ARFGEF3: variants seen among roughly 807,000 people sequenced by gnomAD.
ARFGEF3 encodes brefeldin A-inhibited guanine nucleotide-exchange protein 3.
Under a neutral mutation model 221.7 loss-of-function variants are expected in ARFGEF3, and 96 were observed. The ratio of observed to expected loss-of-function variants is 0.43; its 90% confidence interval spans 0.37 to 0.51. The LOEUF (loss-of-function observed/expected upper bound fraction) is 0.51. Among genes scored for constraint, ARFGEF3 ranks in the 20% least tolerant of loss-of-function variants. The pLI, the probability that ARFGEF3 is intolerant of heterozygous loss-of-function variation, is 0.00. For synonymous variants in ARFGEF3, 1,145 were observed against 1,126.8 expected (o/e 1.02, Z -0.32); for missense variants, 2,410 against 2,789.9 (o/e 0.86, Z 3.07).
intron 1 of ARFGEF3, among the ~76,000 whole-genome samples, chr6:138,167,894 T>C (rs947067393): frequency 2.6e-4 from 39 of 152,310 alleles, no homozygotes; most frequent in African/African-American, 8.9e-4. Context: ...CAGCCGTACA[T>C]GGCCTGGCTC....
rs772305012 is a variant in ARFGEF3 at position 138,296,884 on chromosome 6, G to A, written c.3577G>A (p.Val1193Met). 1.2e-6 allele frequency: 2 copies of A among 1,613,922 alleles called. No homozygotes were observed. Among genetic ancestry groups the A allele is most frequent in the Non-Finnish European group, 1.7e-6 (2 of 1,179,902 alleles). The change falls in exon 21 of 34, where the codon GTG (valine) becomes ATG (methionine). Residue 1193 changes from valine (V) to methionine (M), a missense_variant. By Grantham distance (21) the Val-to-Met change is conservative (BLOSUM62 1). Coordinates refer to ENST00000251691, the MANE Select transcript of ARFGEF3 (RefSeq NM_020340.5). Reference protein sequence around the residue: ...FRLGNAMLRIVRSKARPLLHV... With the variant: ...FRLGNAMLRIMRSKARPLLHV... The stretch of plus-strand genomic sequence containing the variant: ...CCTGGGGAATGCCATGCTGAGGATT[G>A]TGCGGAGCAAAGCACGGCCCCTGCT...
In ARFGEF3 at chr6:138,253,934, C is replaced by T; in HGVS notation, c.720C>T (p.Ser240=). 1 of 1,597,864 alleles carries T rather than the reference C, an allele frequency of 6.3e-7. No homozygotes were observed. Residue 240 remains serine, a synonymous_variant, in exon 9 of 34, where the codon AGC becomes AGT. Coordinates refer to ENST00000251691, the MANE Select transcript of ARFGEF3 (RefSeq NM_020340.5). ...LYLECILSVL[S]SSSSSMHLHR... The stretch of plus-strand genomic sequence containing the variant: ...TGGAGTGCATCCTGTCTGTGCTCAG[C>T]AGCTCCTCCTCCTCCATGCACCTGC...
chr6:138,196,005 A>G lies in ARFGEF3; in HGVS notation c.138-11037A>G, dbSNP rs535894394. 2.8e-3 allele frequency among the ~76,000 whole-genome samples: 416 copies of G among 148,934 alleles called. 3 individuals are homozygous for G. Among genetic ancestry groups the G allele is most frequent in the Non-Finnish European group, 4.3e-3 (293 of 67,458 alleles). On this transcript the variant is annotated intron_variant, in intron 2 of 33. Coordinates refer to ENST00000251691, the MANE Select transcript of ARFGEF3 (RefSeq NM_020340.5). ...AAGGAGTGTCTTGGTAAAAAAAAAAAAAAAGAAAAGAAAAAAAAAGATCTT... is the reference window on the plus strand; with the variant it reads ...AAGGAGTGTCTTGGTAAAAAAAAAAGAAAAGAAAAGAAAAAAAAAGATCTT...
intron 2 of ARFGEF3, among the ~76,000 whole-genome samples, chr6:138,201,469 C>T (rs1777534774): frequency 6.6e-6 from 1 of 152,094 alleles, no homozygotes; most frequent in South Asian, 2.1e-4. Flanking sequence ...TATATACATA[C>T]AATGGAATAC....
chr6:138,170,489 T>C (rs927948251), intron 1 of ARFGEF3, among the ~76,000 whole-genome samples, 173 bp from the exon 2 acceptor site: 2 of 152,158 alleles, frequency 1.3e-5, no homozygotes, highest in Non-Finnish European at 2.9e-5. Flanking sequence ...TCTCTGGGGC[T>C]CTCAAGGGAA....
intron 33 of ARFGEF3, 56 bp downstream of exon 33, chr6:138,335,244 G>A (rs1343908386): frequency 2.7e-6 from 4 of 1,464,824 alleles, no homozygotes; most frequent in African/African-American, 2.8e-5. Flanking sequence ...AGTACTGGAT[G>A]GGCCCCCCCT....
intron 10 of ARFGEF3, 22 bp downstream of exon 10, chr6:138,255,791 C>G (rs1257978579): frequency 1.3e-6 from 2 of 1,489,528 alleles, no homozygotes; most frequent in Admixed American, 4.5e-5. Context: ...CTGGAGATCG[C>G]CACCAGGTTT....
At chr6:138,254,019 C>A in intron 9 of ARFGEF3, 35 bp downstream of exon 9, 3 of 1,418,206 alleles carry the variant, frequency 2.1e-6, no homozygotes, top group Non-Finnish European at 1.9e-6. Context: ...GACGCTGATG[C>A]CAACCCAAGG....
chr6:138,326,461 G>T (rs569710114), intron 31 of ARFGEF3, among the ~76,000 whole-genome samples: 1 of 152,170 alleles, frequency 6.6e-6, no homozygotes, highest in African/African-American at 2.4e-5. Context: ...AGTGGGTAAA[G>T]GACTTGAACA....
At chr6:138,166,583 A>G (rs1174072436) in intron 1 of ARFGEF3, among the ~76,000 whole-genome samples, 1 of 152,216 alleles carries the variant, frequency 6.6e-6, no homozygotes, top group East Asian at 1.9e-4. Context: ...TGGCGTGGCC[A>G]GGGAGTAGAA....
At chr6:138,237,852 G>C (rs983422297) in intron 5 of ARFGEF3, among the ~76,000 whole-genome samples, 1 of 152,206 alleles carries the variant, frequency 6.6e-6, no homozygotes, top group South Asian at 2.1e-4. Flanking sequence ...AGTTTGCAGA[G>C]TTCCTGCAGA....
intron 14 of ARFGEF3, among the ~76,000 whole-genome samples, chr6:138,284,812 G>A (rs1457500724): frequency 6.6e-6 from 1 of 152,190 alleles, no homozygotes; most frequent in African/African-American, 2.4e-5. Flanking sequence ...TGCATTGTTA[G>A]GCAATTTTGT....
intron 14 of ARFGEF3, among the ~76,000 whole-genome samples, chr6:138,281,046 C>G (rs966032605): frequency 6.6e-5 from 10 of 152,028 alleles, no homozygotes; most frequent in Non-Finnish European, 1.5e-5. Flanking sequence ...CCATAGTAAA[C>G]TATGTGCGTA....
chr6:138,216,514 C>T (rs1353602892), intron 4 of ARFGEF3: 2 of 152,064 alleles, frequency 1.3e-5, no homozygotes, highest in Non-Finnish European at 2.9e-5. Flanking sequence ...TTTGAGTCCC[C>T]TCTCGGTAAT....
intron 20 of ARFGEF3, among the ~76,000 whole-genome samples, chr6:138,296,352 A>G (rs1445657806): frequency 6.6e-6 from 1 of 152,248 alleles, no homozygotes; most frequent in African/African-American, 2.4e-5. Flanking sequence ...TGCTGGGCCC[A>G]TGCTGAGCAC....
chr6:138,183,881 G>A (rs78398401), intron 2 of ARFGEF3, among the ~76,000 whole-genome samples: 2,060 of 152,256 alleles, frequency 0.014, 31 homozygotes, highest in Middle Eastern at 0.058. Context: ...CACAGAAGTG[G>A]CCTCAACCTC....
intron 2 of ARFGEF3, among the ~76,000 whole-genome samples, chr6:138,204,504 G>A (rs1229096749): frequency 2.0e-5 from 3 of 152,126 alleles, no homozygotes; most frequent in Non-Finnish European, 4.4e-5. Flanking sequence ...TTAGAACATA[G>A]TCACATTCAT....
In ARFGEF3 at chr6:138,336,300, G is replaced by A. The variant is rs1780321035; in HGVS notation, c.6348G>A (p.Trp2116Ter). The change falls in exon 34 of 34, where the codon TGG (tryptophan) becomes TGA (stop). Residue 2116 changes from tryptophan (W) to a stop codon, truncating the protein, a stop_gained. Transcript: ENST00000251691. LOFTEE classifies it high-confidence loss of function. ...VRDAEAQIQAWTNMVLTVLNQ... is the reference protein window; with the variant it reads ...VRDAEAQIQA The stretch of plus-strand genomic sequence containing the variant: ...TCTTAAATCTTTTCTCTTAGGCATG[G>A]ACCAACATGGTGCTAACAGTTCTCA... The A allele has an allele frequency of 6.4e-7, 1 of 1,556,188 alleles. No homozygotes were observed. The highest frequency in any genetic ancestry group is 8.7e-7 in the Non-Finnish European group (1 of 1,149,120).
At position 138,344,367 on chromosome 6, in the gene ARFGEF3, T is replaced by C. The variant is rs1780479913; in HGVS notation, c.*7881T>C. On this transcript the variant is annotated 3_prime_UTR_variant, in exon 34 of 34. Transcript: ENST00000251691. ...AGCATAATTTTTTGTTTTGCCTTCT[T>C]ATTTAGTCAGTTTGGTCATATTTAC... 1 of 152,180 alleles carries C rather than the reference T, an allele frequency of 6.6e-6. No individual in the cohort carries two copies. The highest frequency in any genetic ancestry group is 2.4e-5 in the African/African-American group (1 of 41,438). 9.4% of individuals were successfully genotyped at this position (152,180 alleles called of 1,614,324 possible). A position where few individuals can be genotyped will look rare whatever the true frequency, so the allele number is the denominator to read the frequency against.
Sources: gnomAD v4.1 joint callset for allele counts (sites outside exome capture counted in the v4.1 genomes callset) on GRCh38, gnomAD v4.1.1 for gene constraint, MANE v1.5 for transcripts, NCBI Gene and HGNC (gene_info 2026-07-23, HGNC 2026-07-21) for gene names.